Variants in GSN observed in about 807,000 individuals in gnomAD.
The protein encoded by GSN is gelsolin, also known as actin-depolymerizing factor.
A neutral mutation model predicts 85.7 loss-of-function variants in GSN; 56 were observed. The observed-to-expected ratio is 0.65, with a 90% CI of 0.53 to 0.82. The LOEUF is 0.82. Among genes scored for constraint, GSN ranks in the 40% least tolerant of loss-of-function variants. The pLI is 0.00. For synonymous variants in GSN, 373 were observed against 399.1 expected (o/e 0.93, Z 0.78); for missense variants, 857 against 979.8 (o/e 0.87, Z 1.67).
At position 121,235,051 on chromosome 9, in the gene GSN, T is replaced by C. The variant is rs1321214906; in HGVS notation, c.-389+3748T>C. On this transcript the variant is annotated intron_variant, in intron 5 of 24. Coordinates refer to the GSN transcript ENST00000373823. ...CAAGATGGTTAGTGGGTAGGAATTC[T>C]CCAAGTTCTCTCGCAAGCCCCAGAT... 2.0e-5 allele frequency among the ~76,000 whole-genome samples: 3 copies of C among 152,094 alleles called. No homozygotes were observed. In the South Asian group the frequency reaches 6.2e-4, roughly 32 times the overall value.
At chr9:121,298,202 G>A (rs2059397211) in intron 2 of GSN, among the ~76,000 whole-genome samples, 1 of 152,100 alleles carries the variant, frequency 6.6e-6, no homozygotes, top group Non-Finnish European at 1.5e-5. Context: ...CTTGCTCCCT[G>A]TGTTTCATAC....
At chr9:121,205,486 G>A (rs951955313), upstream of GSN, among the ~76,000 whole-genome samples, 1 of 152,158 alleles carries the variant, frequency 6.6e-6, no homozygotes, top group South Asian at 2.1e-4. Context: ...GAACACAGAT[G>A]GAGAGAGACA....
rs555476519 is a variant in GSN, at chr9:121,328,711, A to G, written c.1763-180A>G. The G allele has an allele frequency of 1.8e-5, 12 of 680,300 alleles. No individual in the cohort carries two copies. The South Asian group carries it at 1.9e-4, about 11-fold the overall frequency. The allele number at this position is 680,300 out of a possible 1,614,324, so 42.1% of individuals were successfully genotyped here. A position where few individuals can be genotyped will look rare whatever the true frequency, so the allele number is the denominator to read the frequency against. ...CCAAGTCTGCCCTCTCTGGGCCTCT[A>G]TTTCGTCACCTTCCAATTCCCTCAG... On this transcript the variant is annotated intron_variant, in intron 14 of 17. Transcript: ENST00000432226.
At chr9:121,290,593 T>C (rs2058590778) in intron 2 of GSN, among the ~76,000 whole-genome samples, 1 of 152,216 alleles carries the variant, frequency 6.6e-6, no homozygotes, top group African/African-American at 2.4e-5. Flanking sequence ...TATAACGCGA[T>C]GTTATGAATA....
At chr9:121,262,547 G>A (rs1395205729) in intron 6 of GSN, among the ~76,000 whole-genome samples, 1 of 152,176 alleles carries the variant, frequency 6.6e-6, no homozygotes, top group African/African-American at 2.4e-5. Context: ...GAACCTCCAG[G>A]CAGTTTTGCT....
At position 121,324,621 on chromosome 9, in the gene GSN, G is replaced by T; in HGVS notation, c.1393G>T (p.Glu465Ter). Reference protein sequence around the residue: ...SAILTAQLDEELGGTPVQSRV... With the variant: ...SAILTAQLDE ...CATCCTGACTGCTCAGCTGGATGAG[G>T]AGCTGGGAGGTACCCCTGTCCAGGT... Residue 465 changes from glutamate to a stop codon, truncating the protein, a stop_gained, in exon 12 of 18, where the codon GAG (glutamate) becomes TAG (stop). Transcript: ENST00000432226. LOFTEE classifies it high-confidence loss of function. 1 of 1,540,656 alleles carries T rather than the reference G, an allele frequency of 6.5e-7. No individual in the cohort carries two copies.
chr9:121,319,162 G>T (rs1490178450), intron 10 of GSN, among the ~76,000 whole-genome samples: 6 of 152,226 alleles, frequency 3.9e-5, no homozygotes, highest in Non-Finnish European at 8.8e-5. Flanking sequence ...GAGCACAGGG[G>T]ATTGTGCAGA....
intron 4 of GSN, 106 bp downstream of exon 4, chr9:121,303,171 A>G (rs2060075296): frequency 2.8e-6 from 3 of 1,078,724 alleles, no homozygotes; most frequent in Non-Finnish European, 4.2e-6. Context: ...GGGCAGACCG[A>G]TCAGAGGTCA....
chr9:121,215,657 GCA>G (rs1315716861), intron 4 of GSN, among the ~76,000 whole-genome samples: 11 of 151,192 alleles, frequency 7.3e-5, no homozygotes, highest in Non-Finnish European at 1.5e-5. Context: ...TCGCGCCACT[GCA>G]CTCCAGCCTG....
rs1452785949 is a variant in GSN at position 121,299,498 on chromosome 9, A to C, written c.-9-2465A>C. The C allele has an allele frequency of 1.0e-6, 1 of 983,578 alleles. No homozygotes were observed. The highest frequency in any genetic ancestry group is 1.7e-5 in the African/African-American group (1 of 57,204). 60.9% of individuals were successfully genotyped at this position (983,578 alleles called of 1,614,324 possible). On this transcript the variant is annotated intron_variant, in intron 2 of 17. Transcript: ENST00000432226. This position sits in a 1 kb window ranked among gnomAD's most constrained non-coding sequence, Gnocchi z 4.2. ...AAAAGCTTTCAAAAATTGTTAGTTCATGTTATTTTTTTGCTGGAGGTGTTA... is the reference window on the plus strand; with the variant it reads ...AAAAGCTTTCAAAAATTGTTAGTTCCTGTTATTTTTTTGCTGGAGGTGTTA...
chr9:121,302,268 A>G, intron 3 of GSN, 101 bp downstream of exon 3: 7 of 1,335,706 alleles, frequency 5.2e-6, no homozygotes, highest in Non-Finnish European at 7.5e-6. Flanking sequence ...TTGAGCACCT[A>G]GTATGTGCTG....
chr9:121,251,714 T>A (rs2054840371), intron 6 of GSN, among the ~76,000 whole-genome samples: 2 of 152,032 alleles, frequency 1.3e-5, no homozygotes, highest in South Asian at 4.1e-4. Context: ...ATCCCAGCAC[T>A]TTGGGAGGCT....
At chr9:121,201,827 G>C in the GSN span, 2 of 152,380 alleles carry the variant, frequency 1.3e-5, no homozygotes, top group African/African-American at 4.8e-5. Context: ...AGCGGTGACT[G>C]CTCCTGTGCT....
At chr9:121,222,370 A>C (rs1310312925) in intron 4 of GSN, 1 of 152,240 alleles carries the variant, frequency 6.6e-6, no homozygotes, top group Non-Finnish European at 1.5e-5. Context: ...AGTGCTTGTC[A>C]AAGATTTTAT....
intron 4 of GSN, chr9:121,308,926 G>A: frequency 6.6e-6 from 1 of 152,264 alleles, no homozygotes; most frequent in African/African-American, 2.4e-5. Context: ...GACTCCGTTT[G>A]TCCCTTGCCC....
chr9:121,231,536 T>TGAA (rs1189924302), intron 5 of GSN, among the ~76,000 whole-genome samples: 1 of 152,070 alleles, frequency 6.6e-6, no homozygotes, highest in South Asian at 2.1e-4. Context: ...GACATGATTT[T>TGAA]GAAGAAGAAG....
In GSN at chr9:121,318,327, TCTC is replaced by T; in HGVS notation, c.887-76_887-74del. 1.7e-6 allele frequency: 2 copies of T among 1,163,160 alleles called. No individual in the cohort carries two copies. Among genetic ancestry groups the T allele is most frequent in the Middle Eastern group, 1.9e-4 (1 of 5,178 alleles). 72.1% of individuals were successfully genotyped at this position (1,163,160 alleles called of 1,614,324 possible). Reference sequence around the variant, plus strand: ...TAGGGAGGGAAGTTTGGCAGCTCCTTCTCCTGGACTGTTAAAGGTCAGGATGCA... The same window carrying T: ...TAGGGAGGGAAGTTTGGCAGCTCCTTCTGGACTGTTAAAGGTCAGGATGCA... On this transcript the variant is annotated intron_variant, in intron 8 of 17. Coordinates refer to ENST00000432226, the MANE Select transcript of GSN (RefSeq NM_198252.3). This position sits in a 1 kb window ranked among gnomAD's most constrained non-coding sequence, Gnocchi z 4.3.
At chr9:121,237,469 G>A (rs2054518577) in intron 5 of GSN, among the ~76,000 whole-genome samples, 1 of 152,198 alleles carries the variant, frequency 6.6e-6, no homozygotes, top group Non-Finnish European at 1.5e-5. Flanking sequence ...GGAGACTGAA[G>A]TAGGAGGATT....
At chr9:121,326,458 A>AGGAC (rs1351431807) in intron 12 of GSN, 54 bp from the exon 13 acceptor site, 3 of 1,453,926 alleles carry the variant, frequency 2.1e-6, no homozygotes, top group African/African-American at 2.8e-5. Flanking sequence ...GCGACATAGA[A>AGGAC]GGACTGAAGC....
Sources: allele counts gnomAD v4.1 joint callset (sites outside exome capture counted in the v4.1 genomes callset), GRCh38; gene constraint gnomAD v4.1.1; non-coding constraint Gnocchi (gnomAD v3.1); transcripts MANE v1.5; gene names NCBI Gene and HGNC (gene_info 2026-07-23, HGNC 2026-07-21).